Variants in PARP8 observed in about 807,000 individuals in gnomAD.
PARP8 encodes protein mono-ADP-ribosyltransferase PARP8.
In PARP8, 51 loss-of-function variants were observed where a neutral mutation model predicts 124.1. The ratio of observed to expected loss-of-function variants is 0.41; its 90% CI spans 0.33 to 0.52. PARP8 has a LOEUF of 0.52. Ranked by LOEUF, PARP8 falls within the 20% of genes least tolerant of loss-of-function variation. The pLI is 0.21. For synonymous variants in PARP8, 391 were observed against 361.5 expected (o/e 1.08, Z -0.93); for missense variants, 860 against 1,018.9 (o/e 0.84, Z 2.12).
Position 50,784,161 on chromosome 5 carries a change from A to G in PARP8, c.671-4362A>G, listed in dbSNP as rs77394179. 7.0e-4 allele frequency among the ~76,000 whole-genome samples: 106 copies of G among 152,292 alleles called. 3 individuals are homozygous for G. The East Asian group carries it at 0.019, about 28-fold the overall frequency. ...CAAGATTTAGACTGACCTACTTAAC[A>G]GTTCTTTTTGAAAAGGATTTCCTAC... On this transcript the variant is annotated intron_variant, in intron 9 of 25. Coordinates refer to ENST00000281631, the MANE Select transcript of PARP8 (RefSeq NM_024615.4).
chr5:50,712,151 C>T (rs1360361280), intron 2 of PARP8, among the ~76,000 whole-genome samples: 4 of 152,112 alleles, frequency 2.6e-5, no homozygotes, highest in Non-Finnish European at 4.4e-5. Context: ...AGTGAAATGG[C>T]AGAAACTAAA....
At chr5:50,769,591 T>A (rs973577005) in intron 7 of PARP8, among the ~76,000 whole-genome samples, 1 of 151,886 alleles carries the variant, frequency 6.6e-6, no homozygotes, top group Non-Finnish European at 1.5e-5. Context: ...AGATTTTTTT[T>A]ATCCAGTTGC....
At chr5:50,797,933 C>A (rs538927523) in intron 14 of PARP8, among the ~76,000 whole-genome samples, 8 of 152,148 alleles carry the variant, frequency 5.3e-5, no homozygotes, top group Non-Finnish European at 1.2e-4. Flanking sequence ...TCCATTATCC[C>A]CAAAAGAAAT....
intron 2 of PARP8, among the ~76,000 whole-genome samples, chr5:50,726,998 G>A (rs1423066982): frequency 1.3e-5 from 2 of 151,986 alleles, no homozygotes. Flanking sequence ...ATGCTATCTG[G>A]TAAAGATGAC....
intron 2 of PARP8, chr5:50,744,716 T>C: frequency 1.7e-6 from 1 of 603,616 alleles, no homozygotes. Flanking sequence ...TTCTGAAGGC[T>C]TTTTTTTTTC....
At chr5:50,746,104 T>G (rs954282695) in intron 2 of PARP8, among the ~76,000 whole-genome samples, 2 of 152,230 alleles carry the variant, frequency 1.3e-5, no homozygotes, top group Non-Finnish European at 2.9e-5. Context: ...CTCTCTTTTC[T>G]TCAATCTATC....
In PARP8 at chr5:50,844,740, A is replaced by T. The variant is rs1748488717; in HGVS notation, c.*2672A>T. 2 of 151,744 alleles carry T rather than the reference A, an allele frequency of 1.3e-5. No individual in the cohort carries two copies. The highest frequency in any genetic ancestry group is 1.3e-4 in the Admixed American group (2 of 15,184). 9.4% of individuals were successfully genotyped at this position (151,744 alleles called of 1,614,324 possible). A position where few individuals can be genotyped will look rare whatever the true frequency, so the allele number is the denominator to read the frequency against. ...AGGGGAAGAAAATTATTAATTTATT[A>T]GTTCTACTTTTTCCTGCATTGCTTA... On this transcript the variant is annotated 3_prime_UTR_variant, in exon 26 of 26. Coordinates refer to ENST00000281631, the MANE Select transcript of PARP8 (RefSeq NM_024615.4).
At chr5:50,696,430 C>T (rs543149547) in intron 2 of PARP8, among the ~76,000 whole-genome samples, 28 of 152,054 alleles carry the variant, frequency 1.8e-4, no homozygotes, top group Non-Finnish European at 3.4e-4. Context: ...TTGAATAATC[C>T]TCATTCCAGA....
rs570277949 is a variant in PARP8, at chr5:50,667,380, C to A, written c.91+194C>A. On this transcript the variant is annotated intron_variant, in intron 1 of 25. Coordinates refer to ENST00000281631, the MANE Select transcript of PARP8 (RefSeq NM_024615.4). Reference sequence around the variant, plus strand: ...AGCCTCTCCCCTTCCCCTCCCCCACCGCCAAGTCTGAGGCAGCCACCAGCT... The same window carrying A: ...AGCCTCTCCCCTTCCCCTCCCCCACAGCCAAGTCTGAGGCAGCCACCAGCT... Among the ~76,000 whole-genome samples the A allele has an allele frequency of 2.9e-4, 44 of 152,344 alleles. 2 individuals are homozygous for A. In the South Asian group the frequency reaches 8.1e-3, roughly 28 times the overall value.
At chr5:50,675,661 G>C (rs1750544167) in intron 2 of PARP8, among the ~76,000 whole-genome samples, 1 of 152,196 alleles carries the variant, frequency 6.6e-6, no homozygotes, top group Non-Finnish European at 1.5e-5. Context: ...TCCAAGAATT[G>C]TTGATAGAAT....
At chr5:50,773,179 A>T (rs1006061422) in intron 7 of PARP8, among the ~76,000 whole-genome samples, 5 of 152,134 alleles carry the variant, frequency 3.3e-5, no homozygotes, top group Middle Eastern at 3.4e-3. Context: ...TTTTAGTTTG[A>T]TGTAATCCCA....
At chr5:50,776,969 T>C (rs1203482761) in intron 7 of PARP8, among the ~76,000 whole-genome samples, 1 of 152,214 alleles carries the variant, frequency 6.6e-6, no homozygotes, top group Non-Finnish European at 1.5e-5. Flanking sequence ...CTTTAAATCT[T>C]AGTTTTCTCA....
chr5:50,667,511 G>C, intron 1 of PARP8: 3 of 700,182 alleles, frequency 4.3e-6, no homozygotes, highest in Non-Finnish European at 5.2e-6. Flanking sequence ...CGCTTCCTGG[G>C]TTCCAGCAGC....
At chr5:50,715,935 G>T (rs1233546597) in intron 2 of PARP8, among the ~76,000 whole-genome samples, 1 of 152,038 alleles carries the variant, frequency 6.6e-6, no homozygotes, top group Non-Finnish European at 1.5e-5. Flanking sequence ...GAAGTGTTCA[G>T]TTCCCAGCTT....
Position 50,794,243 on chromosome 5 carries a change from G to A in PARP8, c.774G>A (p.Gln258=). 1.2e-6 allele frequency: 2 copies of A among 1,613,474 alleles called. No individual in the cohort carries two copies. Among genetic ancestry groups the A allele is most frequent in the Non-Finnish European group, 1.7e-6 (2 of 1,179,622 alleles). The change falls in exon 11 of 26, where the codon CAG becomes CAA. Residue 258 remains glutamine, a synonymous_variant. Transcript: ENST00000281631. ...MQTFVTQQWK[Q]SKEKSNCLHN... is the part of the protein sequence containing the mutation. Reference sequence around the variant, plus strand: ...CATTTGTTACACAGCAGTGGAAACAGAGCAAAGAAAAATCCAATTGCCTGC... The same window carrying A: ...CATTTGTTACACAGCAGTGGAAACAAAGCAAAGAAAAATCCAATTGCCTGC...
Position 50,763,160 on chromosome 5 carries a change from G to A in PARP8, c.436G>A (p.Gly146Arg), listed in dbSNP as rs1468284213. ...FYYGGQVNYD[G>R]ELHKHPQLEA... ...CCCTTTTCATCAGGTGAACTATGAT[G>A]GGGAACTGCACAAGCACCCACAACT... The change falls in exon 7 of 26, where the codon GGG becomes AGG. Residue 146 changes from glycine to arginine, a missense_variant. Gly to Arg is a moderately radical substitution (Grantham distance 125, BLOSUM62 -2). Coordinates refer to ENST00000281631, the MANE Select transcript of PARP8 (RefSeq NM_024615.4). 6.2e-7 allele frequency: 1 copy of A among 1,612,660 alleles called. No homozygotes were observed. The highest frequency in any genetic ancestry group is 1.1e-5 in the South Asian group (1 of 91,058).
intron 2 of PARP8, among the ~76,000 whole-genome samples, chr5:50,701,876 T>G (rs1753634932): frequency 6.6e-6 from 1 of 152,126 alleles, no homozygotes; most frequent in Non-Finnish European, 1.5e-5. Context: ...AAGATCCTTT[T>G]GTATCATAAT....
intron 2 of PARP8, among the ~76,000 whole-genome samples, chr5:50,679,156 A>G (rs935172685): frequency 1.2e-4 from 19 of 152,320 alleles, no homozygotes; most frequent in African/African-American, 4.6e-4. Context: ...ACATATACAC[A>G]AAAGTTAAAA....
At chr5:50,766,335 AATC>A (rs1350973119) in intron 7 of PARP8, among the ~76,000 whole-genome samples, 1 of 152,202 alleles carries the variant, frequency 6.6e-6, no homozygotes, top group Non-Finnish European at 1.5e-5. Context: ...TCTCATCTTG[AATC>A]ATTCAACAAA....
Sources: allele counts gnomAD v4.1 joint callset (sites outside exome capture counted in the v4.1 genomes callset), GRCh38; gene constraint gnomAD v4.1.1; transcripts MANE v1.5; gene names NCBI Gene and HGNC (gene_info 2026-07-23, HGNC 2026-07-21).